ENTREP2: variants seen among roughly 807,000 people sequenced by gnomAD.
ENTREP2 encodes the protein protein ENTREP2.
chr15:29,506,000 C>T, the ENTREP2 span, among the ~76,000 whole-genome samples: 14 of 152,000 alleles, frequency 9.2e-5, no homozygotes, highest in African/African-American at 2.4e-4. This position sits in a 1 kb window ranked among gnomAD's most constrained non-coding sequence, Gnocchi z 4.3. Flanking sequence ...AATGCAAGGA[C>T]GCTAAGAGCC....
the ENTREP2 span, among the ~76,000 whole-genome samples, chr15:29,333,977 G>A: frequency 2.0e-5 from 3 of 152,044 alleles, no homozygotes; most frequent in African/African-American, 7.2e-5. Context: ...CGGATTACCA[G>A]CAAATCACAG....
chr15:29,533,693 C>T, the ENTREP2 span, among the ~76,000 whole-genome samples: 1 of 151,994 alleles, frequency 6.6e-6, no homozygotes. Flanking sequence ...ACATCTGTGG[C>T]CATCCTCACC....
chr15:29,302,899 T>A, the ENTREP2 span, among the ~76,000 whole-genome samples: 1 of 152,136 alleles, frequency 6.6e-6, no homozygotes, highest in Non-Finnish European at 1.5e-5. Context: ...GGCATCACAT[T>A]TGGAATTGAT....
chr15:29,561,699 A>AATC, the ENTREP2 span, among the ~76,000 whole-genome samples: 1 of 149,928 alleles, frequency 6.7e-6, no homozygotes, highest in African/African-American at 2.4e-5. Flanking sequence ...AAATTATAAT[A>AATC]ATAATAATAA....
the ENTREP2 span, among the ~76,000 whole-genome samples, chr15:29,579,581 G>A: frequency 5.4e-5 from 8 of 147,164 alleles, no homozygotes; most frequent in South Asian, 6.5e-4. Context: ...GTGCAGTGGC[G>A]CGATCTCAGC....
the ENTREP2 span, among the ~76,000 whole-genome samples, chr15:29,461,454 T>C: frequency 6.6e-6 from 1 of 152,132 alleles, no homozygotes; most frequent in Non-Finnish European, 1.5e-5. Context: ...ACACAGAAAA[T>C]AAAATTTTCC....
At chr15:29,670,082 A>G in the ENTREP2 span, among the ~76,000 whole-genome samples, 1 of 152,206 alleles carries the variant, frequency 6.6e-6, no homozygotes, top group Non-Finnish European at 1.5e-5. Flanking sequence ...TGTATTTATG[A>G]TAAACTTGAG....
chr15:29,204,637 C>T, the ENTREP2 span, among the ~76,000 whole-genome samples: 1 of 152,060 alleles, frequency 6.6e-6, no homozygotes, highest in African/African-American at 2.4e-5. Flanking sequence ...TCCCGGACCC[C>T]AGTGAGGATC....
the ENTREP2 span, among the ~76,000 whole-genome samples, chr15:29,550,041 T>C: frequency 1.3e-5 from 2 of 152,194 alleles, no homozygotes; most frequent in African/African-American, 4.8e-5. Context: ...TGGCTGTTTC[T>C]TACCCTCCAG....
At chr15:29,423,810 A>G in the ENTREP2 span, among the ~76,000 whole-genome samples, 2 of 149,910 alleles carry the variant, frequency 1.3e-5, no homozygotes, top group Non-Finnish European at 3.0e-5. Context: ...AAAAAATTTG[A>G]TTTTTTTCTA....
chr15:29,424,113 T>G, the ENTREP2 span, among the ~76,000 whole-genome samples: 1 of 152,190 alleles, frequency 6.6e-6, no homozygotes, highest in Non-Finnish European at 1.5e-5. Flanking sequence ...TCTCACTGAC[T>G]TCAGGAAGGA....
At chr15:29,220,674 G>C in the ENTREP2 span, among the ~76,000 whole-genome samples, 52 of 152,230 alleles carry the variant, frequency 3.4e-4, no homozygotes, top group African/African-American at 1.1e-3. Context: ...TCTCAAATCT[G>C]ATGAGAATCT....
the ENTREP2 span, among the ~76,000 whole-genome samples, chr15:29,542,725 T>C: frequency 6.6e-6 from 1 of 152,192 alleles, no homozygotes; most frequent in South Asian, 2.1e-4. Context: ...CTGCTCCCAC[T>C]GAACACTGCT....
the ENTREP2 span, among the ~76,000 whole-genome samples, chr15:29,337,717 G>A: frequency 1.3e-5 from 2 of 152,146 alleles, no homozygotes; most frequent in African/African-American, 4.8e-5. Flanking sequence ...CCACGTGCCA[G>A]GTCCTGCCTG....
the ENTREP2 span, among the ~76,000 whole-genome samples, chr15:29,175,886 G>A: frequency 6.6e-6 from 1 of 152,240 alleles, no homozygotes; most frequent in Admixed American, 6.5e-5. Context: ...GATAACAGGC[G>A]TGAGCCACTG....
the ENTREP2 span, among the ~76,000 whole-genome samples, chr15:29,294,480 G>T: frequency 6.6e-6 from 1 of 152,200 alleles, no homozygotes; most frequent in Non-Finnish European, 1.5e-5. Context: ...GGCCTCCACA[G>T]TGGGGAAATG....
At chr15:29,565,839 T>A in the ENTREP2 span, among the ~76,000 whole-genome samples, 1 of 151,738 alleles carries the variant, frequency 6.6e-6, no homozygotes, top group African/African-American at 2.4e-5. Context: ...CGGGCGCCTG[T>A]AGTCCCAGCT....
At chr15:29,641,964 T>C in the ENTREP2 span, among the ~76,000 whole-genome samples, 5 of 152,060 alleles carry the variant, frequency 3.3e-5, no homozygotes, top group African/African-American at 1.2e-4. Flanking sequence ...CAAAATGTTG[T>C]TGAAAGAGAT....
At chr15:29,243,674 T>G in the ENTREP2 span, among the ~76,000 whole-genome samples, 1 of 152,178 alleles carries the variant, frequency 6.6e-6, no homozygotes, top group Non-Finnish European at 1.5e-5. Context: ...CTCTAAAGAT[T>G]TGCTAAAATG....
Sources: allele counts gnomAD v4.1 joint callset (sites outside exome capture counted in the v4.1 genomes callset), GRCh38; gene constraint gnomAD v4.1.1; non-coding constraint Gnocchi (gnomAD v3.1); transcripts MANE v1.5; gene names NCBI Gene and HGNC (gene_info 2026-07-23, HGNC 2026-07-21).